The following ESRRG variants were observed in gnomAD, a reference collection of about 807,000 sequenced individuals.
ESRRG encodes estrogen related receptor gamma, also known as estrogen-related receptor gamma.
In ESRRG, 13 loss-of-function variants were observed where a neutral mutation model predicts 44.0. The ratio of observed to expected loss-of-function variants is 0.30; its 90% CI spans 0.19 to 0.47. The LOEUF is 0.47. Among genes scored for constraint, ESRRG ranks in the 20% least tolerant of loss-of-function variants. ESRRG has a pLI of 1.00. For missense variants in ESRRG, 395 were observed against 580.6 expected, an observed-to-expected ratio of 0.68 and a Z score of 3.29; for synonymous variants, 215 against 214.6, an observed-to-expected ratio of 1.00 and a Z score of -0.02.
At chr1:216,834,115 T>G (rs1307077239) in intron 2 of ESRRG, among the ~76,000 whole-genome samples, 1 of 152,096 alleles carries the variant, frequency 6.6e-6, no homozygotes, top group African/African-American at 2.4e-5. Context: ...CAAAGGTGAC[T>G]TAGGGACGGG....
intron 1 of ESRRG, among the ~76,000 whole-genome samples, chr1:217,122,631 C>T (rs2092834415): frequency 6.6e-6 from 1 of 150,454 alleles, no homozygotes. Context: ...AACGACTTTC[C>T]TTCCCTAGTC....
At chr1:216,732,345 G>A (rs1029415107) in intron 2 of ESRRG, among the ~76,000 whole-genome samples, 1 of 150,772 alleles carries the variant, frequency 6.6e-6, no homozygotes, top group African/African-American at 2.4e-5. Flanking sequence ...ACAGCACTCA[G>A]TTTTCATGCT....
intron 2 of ESRRG, among the ~76,000 whole-genome samples, chr1:216,792,300 A>G (rs545289451): frequency 2.6e-5 from 4 of 152,298 alleles, no homozygotes; most frequent in African/African-American, 9.6e-5. Flanking sequence ...TGCAAGAACT[A>G]GAAGTCAGTC....
chr1:217,028,245 T>G lies in ESRRG; in HGVS notation c.-106+61262A>C, dbSNP rs1177959289. ...AGCCTCTATCTCCATTACCTCTCCA[T>G]GTATAGACCTGGAAGGACTTAAAAC... On this transcript the variant is annotated intron_variant, in intron 1 of 7. Transcript: ENST00000359162. Among the ~76,000 whole-genome samples the G allele has an allele frequency of 4.6e-5, 7 of 152,168 alleles. No individual in the cohort carries two copies. The East Asian group carries it at 1.4e-3, about 29-fold the overall frequency.
intron 2 of ESRRG, among the ~76,000 whole-genome samples, chr1:216,736,796 T>C (rs1386456092): frequency 6.6e-6 from 1 of 152,104 alleles, no homozygotes; most frequent in African/African-American, 2.4e-5. Context: ...TCAGAAACTC[T>C]GGGGTTAGAT....
chr1:216,707,104 T>C (rs1277684751), intron 1 of ESRRG, among the ~76,000 whole-genome samples: 1 of 152,232 alleles, frequency 6.6e-6, no homozygotes, highest in African/African-American at 2.4e-5. Context: ...TTTACTTTGA[T>C]TGGAATGAGT....
At position 216,963,106 on chromosome 1, in the gene ESRRG, G is replaced by A. The variant is rs1424130546; in HGVS notation, c.-105-23433C>T. On this transcript the variant is annotated intron_variant, in intron 1 of 7. Coordinates refer to the ESRRG transcript ENST00000359162. ...GTTTGGAGATTTAATGAGATGATGT[G>A]CTTAAAGCACTTTGTACACTATAAG... 2.0e-5 allele frequency among the ~76,000 whole-genome samples: 3 copies of A among 152,120 alleles called. No individual in the cohort carries two copies. The East Asian group carries it at 5.8e-4, about 29-fold the overall frequency.
chr1:216,778,035 A>T (rs982321084), intron 2 of ESRRG, among the ~76,000 whole-genome samples: 6 of 152,076 alleles, frequency 3.9e-5, no homozygotes, highest in African/African-American at 1.4e-4. Context: ...AGAATCTAGG[A>T]GTCATTTGAG....
intron 3 of ESRRG, among the ~76,000 whole-genome samples, chr1:216,634,808 C>G (rs762278151): frequency 2.6e-5 from 4 of 152,168 alleles, no homozygotes; most frequent in Non-Finnish European, 4.4e-5. Flanking sequence ...GAGAAAGATT[C>G]AAACATCATT....
chr1:216,987,058 C>CA (rs1304735823), intron 1 of ESRRG, among the ~76,000 whole-genome samples: 1 of 152,000 alleles, frequency 6.6e-6, no homozygotes, highest in Non-Finnish European at 1.5e-5. Context: ...AGCATGTAGC[C>CA]AAAAAATACA....
chr1:217,045,389 T>C (rs1580010564), intron 1 of ESRRG, among the ~76,000 whole-genome samples: 1 of 151,868 alleles, frequency 6.6e-6, no homozygotes, highest in East Asian at 1.9e-4. Context: ...AACATAACAG[T>C]CTCCCCACAA....
intron 1 of ESRRG, among the ~76,000 whole-genome samples, chr1:217,049,238 T>G (rs1263389491): frequency 6.6e-6 from 1 of 152,216 alleles, no homozygotes; most frequent in Non-Finnish European, 1.5e-5. Flanking sequence ...TTCTTGGTTA[T>G]GCAAACTAAT....
chr1:216,796,551 TTC>T (rs2094474878), intron 2 of ESRRG, among the ~76,000 whole-genome samples: 1 of 152,210 alleles, frequency 6.6e-6, no homozygotes, highest in Non-Finnish European at 1.5e-5. Flanking sequence ...GAGCGGCTTC[TTC>T]TCTGTTATTA....
chr1:216,726,258 G>A (rs2087498960), upstream of ESRRG, among the ~76,000 whole-genome samples: 1 of 152,156 alleles, frequency 6.6e-6, no homozygotes, highest in Non-Finnish European at 1.5e-5. Flanking sequence ...TGGGATCAAA[G>A]TATCACCTGT....
intron 1 of ESRRG, among the ~76,000 whole-genome samples, chr1:217,039,485 G>C (rs998457837): frequency 6.6e-6 from 1 of 152,254 alleles, no homozygotes; most frequent in South Asian, 2.1e-4. Context: ...ATGGCAGCAG[G>C]CAAAGAAAGA....
intron 2 of ESRRG, among the ~76,000 whole-genome samples, chr1:216,760,018 G>A (rs2092683991): frequency 6.6e-6 from 1 of 152,036 alleles, no homozygotes; most frequent in African/African-American, 2.4e-5. Flanking sequence ...CCTAAACGGG[G>A]TAAGTGTCCC....
intron 1 of ESRRG, among the ~76,000 whole-genome samples, chr1:216,940,882 C>T (rs1249051985): frequency 6.6e-6 from 1 of 152,160 alleles, no homozygotes; most frequent in Non-Finnish European, 1.5e-5. Flanking sequence ...TACTGTAATG[C>T]TAAACAGAAG....
chr1:217,013,118 T>C (rs2078871571), intron 1 of ESRRG, among the ~76,000 whole-genome samples: 1 of 152,246 alleles, frequency 6.6e-6, no homozygotes, highest in Non-Finnish European at 1.5e-5. Context: ...CATTTGAACT[T>C]GATTACCTCT....
chr1:216,843,992 T>C (rs1407435569), intron 2 of ESRRG, among the ~76,000 whole-genome samples: 3 of 152,076 alleles, frequency 2.0e-5, no homozygotes, highest in Admixed American at 2.0e-4. Flanking sequence ...TCATGCACTG[T>C]TTGGGTGCAC....
Sources: gnomAD v4.1 joint callset for allele counts (sites outside exome capture counted in the v4.1 genomes callset) on GRCh38, gnomAD v4.1.1 for gene constraint, MANE v1.5 for transcripts, NCBI Gene and HGNC (gene_info 2026-07-23, HGNC 2026-07-21) for gene names.